TRIO: variants seen among roughly 807,000 people sequenced by gnomAD.
TRIO encodes the protein trio Rho guanine nucleotide exchange factor.
A neutral mutation model predicts 351.9 loss-of-function variants in TRIO; 58 were observed. The ratio of observed to expected loss-of-function variants is 0.16; its 90% CI spans 0.13 to 0.21. The LOEUF is 0.21. Among genes scored for constraint, TRIO ranks in the 10% least tolerant of loss-of-function variants. The probability of loss-of-function intolerance (pLI) is 1.00; values close to 1 mark genes in which losing one functional copy is unlikely to be tolerated. For missense variants in TRIO, 3,201 were observed against 4,027.8 expected, an observed-to-expected ratio of 0.79 and a Z score of 5.56; for synonymous variants, 1,758 against 1,595.7, an observed-to-expected ratio of 1.10 and a Z score of -2.42.
chr5:14,161,903 G>C (rs1429861126), intron 1 of TRIO, among the ~76,000 whole-genome samples: 1 of 152,088 alleles, frequency 6.6e-6, no homozygotes, highest in African/African-American at 2.4e-5. Flanking sequence ...GTTTTTTGTA[G>C]AAATGGGGTC....
chr5:14,499,024 A>G (rs1757093046), intron 53 of TRIO: 2 of 206,232 alleles, frequency 9.7e-6, no homozygotes, highest in South Asian at 1.9e-4. Context: ...ACCCAGCTGA[A>G]TCTGGATCTG....
chr5:14,351,595 A>G (rs572897748), intron 11 of TRIO, among the ~76,000 whole-genome samples: 2 of 152,352 alleles, frequency 1.3e-5, no homozygotes, highest in African/African-American at 4.8e-5. Context: ...TCACACGTGG[A>G]TTCTCACTCC....
chr5:14,375,507 G>A (rs1283925414), intron 19 of TRIO, among the ~76,000 whole-genome samples: 3 of 152,178 alleles, frequency 2.0e-5, no homozygotes, highest in East Asian at 3.8e-4. Context: ...GTTGGATGCT[G>A]TGAAGAATTA....
chr5:14,355,113 T>G (rs1252472561), intron 11 of TRIO, among the ~76,000 whole-genome samples: 2 of 152,218 alleles, frequency 1.3e-5, no homozygotes, highest in Admixed American at 1.3e-4. Flanking sequence ...CCTCTGTGTG[T>G]GGCCAGTTGC....
Position 14,187,959 on chromosome 5 carries a change from A to G in TRIO, c.157+44077A>G, listed in dbSNP as rs181368473. On this transcript the variant is annotated intron_variant, in intron 1 of 56. Coordinates refer to ENST00000344204, the MANE Select transcript of TRIO (RefSeq NM_007118.4). ...CCAATCTTTATTGCGTGAGAAGCAG[A>G]CCCTGCTGTATTAAATGTGCTGATG... 2.1e-4 allele frequency among the ~76,000 whole-genome samples: 32 copies of G among 152,218 alleles called. 2 individuals are homozygous for G. Among genetic ancestry groups the G allele is most frequent in the African/African-American group, 7.7e-4 (32 of 41,542 alleles).
In TRIO at chr5:14,462,843, A is replaced by G; in HGVS notation, c.5585A>G (p.Glu1862Gly). ...MQSCGEEEGE[E>G]GADAVPLPPP... ...AGCTGTGGAGAAGAGGAAGGCGAGG[A>G]GGGGGCCGACGCCGTGCCCCTGCCG... Residue 1862 changes from glutamate (E) to glycine (G), a missense_variant, in exon 36 of 57, where the codon GAG becomes GGG. This residue lies in a region of TRIO where 307 missense variants were observed against 396.5 expected (regional missense o/e 0.77). Transcript: ENST00000344204. 1 of 1,613,946 alleles carries G rather than the reference A, an allele frequency of 6.2e-7. No individual in the cohort carries two copies. Among genetic ancestry groups the G allele is most frequent in the Non-Finnish European group, 8.5e-7 (1 of 1,179,926 alleles).
intron 1 of TRIO, among the ~76,000 whole-genome samples, chr5:14,205,143 C>G (rs572069242): frequency 2.6e-5 from 4 of 152,132 alleles, no homozygotes; most frequent in Non-Finnish European, 4.4e-5. Context: ...AACTATTGCC[C>G]GAAAAATCCA....
chr5:14,409,352 T>TC, intron 33 of TRIO, among the ~76,000 whole-genome samples: 2 of 140,770 alleles, frequency 1.4e-5, no homozygotes, highest in East Asian at 2.0e-4. Context: ...GAAGAATAAA[T>TC]CACTACCAGA....
intron 31 of TRIO, among the ~76,000 whole-genome samples, chr5:14,403,065 GCAGGTTGTGGTGAGGGTA>G (rs1450682979): frequency 2.0e-5 from 3 of 150,664 alleles, no homozygotes; most frequent in African/African-American, 7.3e-5. Flanking sequence ...TTGTGAGGGT[GCAGGTTGTGGTGAGGGTA>G]CAGGTTGTGG....
At chr5:14,506,030 T>C (rs1757653319) in intron 55 of TRIO, among the ~76,000 whole-genome samples, 1 of 151,912 alleles carries the variant, frequency 6.6e-6, no homozygotes, top group Non-Finnish European at 1.5e-5. Context: ...GATGGGGCGA[T>C]GTGTGTGGAA....
At chr5:14,180,717 C>A (rs986046821) in intron 1 of TRIO, among the ~76,000 whole-genome samples, 6 of 152,060 alleles carry the variant, frequency 3.9e-5, no homozygotes. Context: ...GCAGTCCTAG[C>A]TACTCAGGAG....
chr5:14,213,394 T>C (rs32389), intron 1 of TRIO, among the ~76,000 whole-genome samples: 129,482 of 150,206 alleles, frequency 0.86, 55,957 homozygotes, highest in East Asian at 0.99. Flanking sequence ...ATATATTAAC[T>C]TGATAATTAA....
intron 9 of TRIO, among the ~76,000 whole-genome samples, chr5:14,318,211 T>C (rs1739548350): frequency 6.8e-6 from 1 of 146,604 alleles, no homozygotes; most frequent in South Asian, 2.1e-4. Flanking sequence ...AGAGAATCAC[T>C]TGAACCCAGG....
chr5:14,159,230 G>A (rs1211752574), intron 1 of TRIO, among the ~76,000 whole-genome samples: 1 of 151,892 alleles, frequency 6.6e-6, no homozygotes, highest in Non-Finnish European at 1.5e-5. Flanking sequence ...GGGGATTGTG[G>A]ATAAGATTTG....
At chr5:14,483,405 C>G (rs1449720379) in intron 46 of TRIO, among the ~76,000 whole-genome samples, 1 of 152,236 alleles carries the variant, frequency 6.6e-6, no homozygotes, top group East Asian at 1.9e-4. Context: ...GTCCTCCTGG[C>G]TCTGCAGCTG....
chr5:14,215,909 G>A (rs1194331027), intron 1 of TRIO, among the ~76,000 whole-genome samples: 17 of 152,166 alleles, frequency 1.1e-4, no homozygotes, highest in Non-Finnish European at 1.5e-5. Context: ...TTTCTTTAGC[G>A]ATTAAGAACT....
intron 1 of TRIO, among the ~76,000 whole-genome samples, chr5:14,266,173 C>T (rs185989797): frequency 6.6e-6 from 1 of 152,224 alleles, no homozygotes; most frequent in Admixed American, 6.5e-5. Context: ...ATTCTTCTTT[C>T]TCAGCCTCCC....
intron 9 of TRIO, among the ~76,000 whole-genome samples, chr5:14,329,530 A>G (rs1200667841): frequency 6.6e-5 from 10 of 152,178 alleles, no homozygotes; most frequent in Admixed American, 2.6e-4. Context: ...GGGACTTCAT[A>G]GTGTCCAGAC....
intron 34 of TRIO, among the ~76,000 whole-genome samples, chr5:14,451,904 G>A (rs1752872232): frequency 6.6e-6 from 1 of 152,238 alleles, no homozygotes; most frequent in African/African-American, 2.4e-5. Context: ...ACAATGGACA[G>A]TAAGATGGGA....
Sources: gnomAD v4.1 joint callset for allele counts (sites outside exome capture counted in the v4.1 genomes callset) on GRCh38, gnomAD v4.1.1 for gene constraint, gnomAD v4.1.1 regional missense constraint, MANE v1.5 for transcripts, NCBI Gene and HGNC (gene_info 2026-07-23, HGNC 2026-07-21) for gene names.